Variants in NEK6 observed in about 807,000 individuals in gnomAD.
NEK6 encodes serine/threonine-protein kinase Nek6.
Under a neutral mutation model 43.5 loss-of-function variants are expected in NEK6, and 27 were observed. That is an observed-to-expected ratio of 0.62 (90% confidence interval 0.46 to 0.86). The LOEUF is 0.86. Among genes scored for constraint, NEK6 ranks in the 40% least tolerant of loss-of-function variants. NEK6 has a pLI of 0.00. For synonymous variants in NEK6, 167 were observed against 164.1 expected (o/e 1.02, Z -0.14); for missense variants, 318 against 414.4 (o/e 0.77, Z 2.02).
intron 8 of NEK6, among the ~76,000 whole-genome samples, chr9:124,341,948 G>A (rs1265321904): frequency 2.0e-5 from 3 of 152,224 alleles, no homozygotes; most frequent in Non-Finnish European, 4.4e-5. Flanking sequence ...TCCAGGTGGG[G>A]AAAGCCCCGG....
At chr9:124,280,078 C>A (rs143433775) in intron 1 of NEK6, among the ~76,000 whole-genome samples, 1 of 152,374 alleles carries the variant, frequency 6.6e-6, no homozygotes, top group Admixed American at 6.5e-5. Context: ...CCCTGCCTGT[C>A]CAGGGTCAGC....
intron 5 of NEK6, among the ~76,000 whole-genome samples, chr9:124,322,035 T>TTTAAAAG (rs1834092667): frequency 6.6e-6 from 1 of 152,202 alleles, no homozygotes; most frequent in Non-Finnish European, 1.5e-5. Flanking sequence ...GTAGATCCAC[T>TTTAAAAG]ACCTCATTTT....
chr9:124,320,051 T>C (rs1833990394), intron 4 of NEK6, among the ~76,000 whole-genome samples: 1 of 152,234 alleles, frequency 6.6e-6, no homozygotes, highest in African/African-American at 2.4e-5. Flanking sequence ...CAGGATTGAA[T>C]GTGCTGCACC....
chr9:124,336,549 A>C (rs905895483), intron 7 of NEK6, among the ~76,000 whole-genome samples: 1 of 152,124 alleles, frequency 6.6e-6, no homozygotes, highest in Non-Finnish European at 1.5e-5. Context: ...TTCTCCTCCC[A>C]GGGTCCTGGA....
At chr9:124,339,881 A>G (rs1180934093) in intron 8 of NEK6, among the ~76,000 whole-genome samples, 2 of 143,302 alleles carry the variant, frequency 1.4e-5, no homozygotes, top group Admixed American at 7.1e-5. Flanking sequence ...TAGAGGGTGG[A>G]CAGCAGTGGG....
chr9:124,341,638 G>A (rs938205254), intron 8 of NEK6, among the ~76,000 whole-genome samples: 5 of 152,168 alleles, frequency 3.3e-5, no homozygotes, highest in Non-Finnish European at 4.4e-5. Context: ...GGGCCTGCAG[G>A]TGAAAGGGGG....
intron 1 of NEK6, among the ~76,000 whole-genome samples, chr9:124,268,716 C>T (rs529729136): frequency 2.0e-4 from 31 of 152,308 alleles, no homozygotes; most frequent in Middle Eastern, 3.4e-3. Flanking sequence ...CCCCTTCACA[C>T]GTTGTGTCTC....
chr9:124,338,829 G>A (rs575591665), intron 7 of NEK6, among the ~76,000 whole-genome samples: 1 of 152,254 alleles, frequency 6.6e-6, no homozygotes, highest in East Asian at 1.9e-4. Context: ...CTGACACATG[G>A]AAGATCTTGG....
At position 124,343,265 on chromosome 9, in the gene NEK6, T is replaced by G. The variant is rs1588546482; in HGVS notation, c.717+3600T>G. Among the ~76,000 whole-genome samples the G allele has an allele frequency of 1.4e-5, 1 of 72,234 alleles. No individual in the cohort carries two copies. The highest frequency in any genetic ancestry group is 2.7e-5 in the Non-Finnish European group (1 of 37,372). 47.4% of individuals were successfully genotyped at this position (72,234 alleles called of 152,430 possible). ...GGGACGGATCGCAGCCGGGGGGTGG[T>G]ACGGGGGATGGATCGCAGCTGGGGA... On this transcript the variant is annotated intron_variant, in intron 8 of 9. Transcript: ENST00000320246. The surrounding 1 kb of genome is among the most constrained non-coding windows in gnomAD (Gnocchi z 5.1).
chr9:124,348,856 C>G (rs572603405), intron 9 of NEK6, among the ~76,000 whole-genome samples: 2 of 152,368 alleles, frequency 1.3e-5, no homozygotes, highest in South Asian at 4.1e-4. Context: ...TTCCCCTCAC[C>G]CATTTACCAA....
chr9:124,270,526 A>C (rs1330642357), intron 1 of NEK6, among the ~76,000 whole-genome samples: 1 of 152,004 alleles, frequency 6.6e-6, no homozygotes, highest in Admixed American at 6.6e-5. Context: ...AAAGCAGTAA[A>C]AAAAAAACAC....
In NEK6 at chr9:124,282,142, C is replaced by G. The variant is rs1325781572; in HGVS notation, c.-29-19794C>G. Among the ~76,000 whole-genome samples the G allele has an allele frequency of 9.9e-5, 15 of 152,216 alleles. No individual in the cohort carries two copies. The East Asian group carries it at 2.9e-3, about 29-fold the overall frequency. ...GAAATTCATTCTCTCTTGGAGAATCCTGGAGGCGTGATGCCTGAAATCAGG... is the reference window on the plus strand; with the variant it reads ...GAAATTCATTCTCTCTTGGAGAATCGTGGAGGCGTGATGCCTGAAATCAGG... On this transcript the variant is annotated intron_variant, in intron 1 of 9. Transcript: ENST00000320246.
intron 1 of NEK6, among the ~76,000 whole-genome samples, chr9:124,295,683 C>T (rs146670583): frequency 3.9e-4 from 59 of 152,332 alleles, no homozygotes; most frequent in Non-Finnish European, 5.3e-4. Context: ...GAGGTATGAG[C>T]GGCACTGGGC....
At chr9:124,337,522 G>A (rs1485026249) in intron 7 of NEK6, among the ~76,000 whole-genome samples, 1 of 152,210 alleles carries the variant, frequency 6.6e-6, no homozygotes, top group Non-Finnish European at 1.5e-5. Context: ...ATAATGTGCT[G>A]TTTTGTGCCT....
chr9:124,287,958 G>C (rs1832235582), intron 1 of NEK6, among the ~76,000 whole-genome samples: 1 of 152,236 alleles, frequency 6.6e-6, no homozygotes, highest in East Asian at 1.9e-4. Context: ...TTTATTTTAT[G>C]GAGACAGTGG....
intron 2 of NEK6, among the ~76,000 whole-genome samples, chr9:124,311,835 A>G (rs542506685): frequency 2.0e-5 from 3 of 152,292 alleles, no homozygotes; most frequent in Non-Finnish European, 4.4e-5. Context: ...AATTATAGGC[A>G]TGGGCCACCA....
At chr9:124,342,045 ACTC>A (rs1291564043) in intron 8 of NEK6, among the ~76,000 whole-genome samples, 2 of 151,708 alleles carry the variant, frequency 1.3e-5, no homozygotes, top group Non-Finnish European at 2.9e-5. Context: ...TCTCTCCAGG[ACTC>A]CTCTAAATCC....
chr9:124,258,385 C>T (rs1446208876), intron 1 of NEK6: 4 of 968,316 alleles, frequency 4.1e-6, no homozygotes, highest in Non-Finnish European at 4.9e-6. Flanking sequence ...GGGACGCGGG[C>T]ATGGCTCCCC....
chr9:124,302,932 CTG>C (rs1162671574), intron 2 of NEK6, among the ~76,000 whole-genome samples: 1 of 152,262 alleles, frequency 6.6e-6, no homozygotes, highest in Admixed American at 6.5e-5. Flanking sequence ...AGTTAAGGAA[CTG>C]TGCATGTGTG....
Sources: allele counts gnomAD v4.1 joint callset (sites outside exome capture counted in the v4.1 genomes callset), GRCh38; gene constraint gnomAD v4.1.1; non-coding constraint Gnocchi (gnomAD v3.1); transcripts MANE v1.5; gene names NCBI Gene and HGNC (gene_info 2026-07-23, HGNC 2026-07-21).